Variants in ATP8A2 observed in about 807,000 individuals in gnomAD.
ATP8A2 encodes the protein phospholipid-transporting ATPase IB.
Under a neutral mutation model 165.6 loss-of-function variants are expected in ATP8A2, and 100 were observed. The observed-to-expected ratio is 0.60, with a 90% CI of 0.51 to 0.71. The LOEUF is 0.71. Among genes scored for constraint, ATP8A2 ranks in the 30% least tolerant of loss-of-function variants. The probability of loss-of-function intolerance (pLI) is 0.00; values close to 1 mark genes in which losing one functional copy is unlikely to be tolerated. For synonymous variants in ATP8A2, 543 were observed against 548.8 expected (o/e 0.99, Z 0.15); for missense variants, 1,227 against 1,479.5 (o/e 0.83, Z 2.80).
chr13:25,616,579 G>A (rs7332723), intron 24 of ATP8A2, among the ~76,000 whole-genome samples: 2,556 of 152,076 alleles, frequency 0.017, 63 homozygotes, highest in African/African-American at 0.058. Flanking sequence ...CAATCCACCC[G>A]CCTCAGCCTC....
chr13:25,580,013 T>A, intron 22 of ATP8A2, 66 bp downstream of exon 22: 1 of 1,570,690 alleles, frequency 6.4e-7, no homozygotes, highest in Non-Finnish European at 8.7e-7. Context: ...CACAAAGTAT[T>A]TGAACAGGAA....
intron 25 of ATP8A2, among the ~76,000 whole-genome samples, chr13:25,759,684 G>A (rs1466453364): frequency 6.6e-6 from 1 of 152,154 alleles, no homozygotes; most frequent in Non-Finnish European, 1.5e-5. Flanking sequence ...GGGAACAGAA[G>A]GATCTAATAT....
chr13:25,416,246 A>G (rs1022983979), intron 1 of ATP8A2, among the ~76,000 whole-genome samples: 3 of 152,180 alleles, frequency 2.0e-5, no homozygotes, highest in African/African-American at 7.2e-5. Context: ...TGTTTCTACT[A>G]TAGAAAATAA....
At chr13:25,399,912 C>CTTCTTCTTCTCCTCT (rs1222817565) in intron 1 of ATP8A2, among the ~76,000 whole-genome samples, 2 of 62,706 alleles carry the variant, frequency 3.2e-5, no homozygotes, top group Non-Finnish European at 3.7e-5. Context: ...TCTTCTCCTC[C>CTTCTTCTTCTCCTCT]TTTTTCTTCT....
intron 25 of ATP8A2, among the ~76,000 whole-genome samples, chr13:25,720,992 G>A (rs1217092950): frequency 1.4e-5 from 2 of 145,828 alleles, no homozygotes; most frequent in Non-Finnish European, 3.0e-5. Context: ...CTGACACAGA[G>A]TCTTACTCTG....
intron 27 of ATP8A2, among the ~76,000 whole-genome samples, chr13:25,781,458 T>C (rs2138355481): frequency 6.6e-6 from 1 of 152,344 alleles, no homozygotes; most frequent in East Asian, 1.9e-4. Flanking sequence ...TTTTTTATTA[T>C]TGTTTGAAAA....
At chr13:25,692,050 T>C (rs960032369) in intron 24 of ATP8A2, among the ~76,000 whole-genome samples, 17 of 151,828 alleles carry the variant, frequency 1.1e-4, no homozygotes, top group African/African-American at 2.9e-4. Context: ...CTGCACTGGG[T>C]GTGAGAGGCT....
intron 24 of ATP8A2, among the ~76,000 whole-genome samples, chr13:25,681,622 C>T (rs1192130408): frequency 6.6e-6 from 1 of 152,102 alleles, no homozygotes; most frequent in East Asian, 1.9e-4. Flanking sequence ...AAAAATGGCT[C>T]CTGGTGGAAA....
At chr13:25,905,035 G>A (rs552449792) in intron 33 of ATP8A2, among the ~76,000 whole-genome samples, 5 of 138,242 alleles carry the variant, frequency 3.6e-5, no homozygotes, top group East Asian at 4.5e-4. Context: ...CCCCGCCACC[G>A]CCCCGAGGAG....
chr13:25,522,757 T>G (rs1445676342), intron 2 of ATP8A2, among the ~76,000 whole-genome samples: 1 of 152,232 alleles, frequency 6.6e-6, no homozygotes, highest in Non-Finnish European at 1.5e-5. Flanking sequence ...CTGAGAAGAA[T>G]TCCACTTGAT....
chr13:25,940,847 C>T (rs953399037), intron 33 of ATP8A2, among the ~76,000 whole-genome samples: 3 of 152,324 alleles, frequency 2.0e-5, no homozygotes, highest in Non-Finnish European at 2.9e-5. Context: ...GGCCAAGCTC[C>T]GTGACCCATC....
intron 13 of ATP8A2, among the ~76,000 whole-genome samples, chr13:25,557,006 A>T (rs1209391776): frequency 4.6e-5 from 7 of 152,098 alleles, no homozygotes; most frequent in Admixed American, 3.9e-4. Context: ...TTCCTCGAGG[A>T]TAGAGTGAAT....
At chr13:25,447,891 TCA>T (rs1350390132) in intron 1 of ATP8A2, among the ~76,000 whole-genome samples, 1 of 152,198 alleles carries the variant, frequency 6.6e-6, no homozygotes, top group East Asian at 1.9e-4. Context: ...GGAAGTCCTC[TCA>T]GACTATCCCT....
intron 1 of ATP8A2, among the ~76,000 whole-genome samples, chr13:25,442,826 C>T (rs1374675771): frequency 6.6e-6 from 1 of 152,108 alleles, no homozygotes; most frequent in Non-Finnish European, 1.5e-5. Context: ...CAGTCCCTTG[C>T]CCATTTTAAA....
intron 2 of ATP8A2, among the ~76,000 whole-genome samples, chr13:25,499,891 T>C (rs2036799216): frequency 6.6e-6 from 1 of 151,704 alleles, no homozygotes; most frequent in South Asian, 2.1e-4. Context: ...GAAGTGATGA[T>C]TGTGTTAAGG....
At chr13:25,795,558 A>G (rs1231695805) in intron 27 of ATP8A2, among the ~76,000 whole-genome samples, 1 of 152,226 alleles carries the variant, frequency 6.6e-6, no homozygotes, top group East Asian at 1.9e-4. Flanking sequence ...ATATAGTAAT[A>G]AGGAGAAGAG....
chr13:25,896,283 G>C (rs990613932), intron 33 of ATP8A2, among the ~76,000 whole-genome samples: 10 of 152,036 alleles, frequency 6.6e-5, no homozygotes, highest in Non-Finnish European at 1.5e-4. Context: ...CCTTCATTTC[G>C]TTATGTACCC....
intron 1 of ATP8A2, among the ~76,000 whole-genome samples, chr13:25,412,838 G>T (rs1299301720): frequency 2.6e-5 from 4 of 152,092 alleles, no homozygotes; most frequent in South Asian, 2.1e-4. Context: ...TTTTTTGGGG[G>T]GGGATGGAGT....
intron 33 of ATP8A2, among the ~76,000 whole-genome samples, chr13:25,895,328 G>A (rs1355260141): frequency 6.6e-6 from 1 of 152,094 alleles, no homozygotes. Context: ...TTATATGCTG[G>A]ATTATGTTAT....
Sources: allele counts gnomAD v4.1 joint callset (sites outside exome capture counted in the v4.1 genomes callset), GRCh38; gene constraint gnomAD v4.1.1; transcripts MANE v1.5; gene names NCBI Gene and HGNC (gene_info 2026-07-23, HGNC 2026-07-21).